ZNF888: variants seen among roughly 807,000 people sequenced by gnomAD.
ZNF888 encodes zinc finger protein 888.
In ZNF888, 5 loss-of-function variants were observed where a neutral mutation model predicts 7.2. That is an observed-to-expected ratio of 0.70 (90% CI 0.36 to 1.46). ZNF888 has a LOEUF of 1.46. Among genes scored for constraint, ZNF888 ranks in the 40% most tolerant of loss-of-function variants. ZNF888 has a pLI of 0.03. For synonymous variants in ZNF888, 240 were observed against 284.3 expected (o/e 0.84, Z 1.57); for missense variants, 716 against 858.0 (o/e 0.83, Z 2.07).
At chr19:52,923,300 C>CA (rs2064843281) in intron 1 of ZNF888, 69 bp downstream of exon 1, 1 of 985,432 alleles carries the variant, frequency 1.0e-6, no homozygotes, top group South Asian at 4.7e-5. Flanking sequence ...GTGGAGACCC[C>CA]ACATCCCAGG....
Position 52,907,221 on chromosome 19 carries a change from T to C in ZNF888, c.1101A>G (p.Ser367=). ...KECDKVFSRK[S]YLERHRRIHT... is the part of the protein sequence containing the mutation. ...GAATTCTCCTATGTCTTTCAAGGTA[T>C]GATTTGCGACTGAAAACTTTGTCAC... Residue 367 remains serine (S), a synonymous_variant, in exon 5 of 5, where the codon TCA becomes TCG. Transcript: ENST00000638862. 1 of 1,613,420 alleles carries C rather than the reference T, an allele frequency of 6.2e-7. No homozygotes were observed. The highest frequency in any genetic ancestry group is 8.5e-7 in the Non-Finnish European group (1 of 1,179,760).
At position 52,923,377 on chromosome 19, in the gene ZNF888, T is replaced by C. The variant is rs981004487; in HGVS notation, c.-186A>G. On this transcript the variant is annotated 5_prime_UTR_variant, in exon 1 of 5. Transcript: ENST00000638862. Reference sequence around the variant, plus strand: ...CACAGAGCAAAACTCACCGCCGCAGTGTGACTTCCAGTCCACGCGATCCGC... The same window carrying C: ...CACAGAGCAAAACTCACCGCCGCAGCGTGACTTCCAGTCCACGCGATCCGC... The C allele has an allele frequency of 1.4e-5, 14 of 985,696 alleles. No homozygotes were observed. Among genetic ancestry groups the C allele is most frequent in the Non-Finnish European group, 1.7e-5 (14 of 830,030 alleles). The allele number at this position is 985,696 out of a possible 1,614,324, so 61.1% of individuals were successfully genotyped here. A position where few individuals can be genotyped will look rare whatever the true frequency, so the allele number is the denominator to read the frequency against.
chr19:52,912,493 A>T (rs2064697840), intron 4 of ZNF888, among the ~76,000 whole-genome samples: 1 of 144,950 alleles, frequency 6.9e-6, no homozygotes, highest in Non-Finnish European at 1.5e-5. Flanking sequence ...TGGGAGGCTG[A>T]GGTGGGAGGA....
At chr19:52,916,505 C>T (rs10414163) in intron 3 of ZNF888, among the ~76,000 whole-genome samples, 40,682 of 150,236 alleles carry the variant, frequency 0.27, 6,796 homozygotes, top group African/African-American at 0.44. Flanking sequence ...TGTGTATGTA[C>T]ATGTGTGTGT....
Position 52,922,349 on chromosome 19 carries a change from G to C in ZNF888, c.-178+1020C>G, listed in dbSNP as rs558421901. ...CTCTCTGGCACCCCAGATTTCCCAG[G>C]TGTCCTCCCTGCTGTGGTTCTCCCT... On this transcript the variant is annotated intron_variant, in intron 1 of 4. Coordinates refer to ENST00000638862, the MANE Select transcript of ZNF888 (RefSeq NM_001393938.1). 5.3e-4 allele frequency among the ~76,000 whole-genome samples: 81 copies of C among 151,852 alleles called. No homozygotes were observed. In the East Asian group the frequency reaches 8.4e-3, roughly 16 times the overall value.
chr19:52,910,692 T>C (rs1157370410), intron 4 of ZNF888, among the ~76,000 whole-genome samples: 1 of 152,050 alleles, frequency 6.6e-6, no homozygotes, highest in African/African-American at 2.4e-5. Flanking sequence ...GGCTAAACCA[T>C]GAAGAAGCCT....
chr19:52,905,444 T>TA lies in ZNF888; in HGVS notation c.*720dup, dbSNP rs35926269. ...CTCAGCTTGCCTGCACCCAGGTGAT[T>TA]AAAAAAAAAAAAAATCTGTATCTGT... On this transcript the variant is annotated 3_prime_UTR_variant, in exon 5 of 5. Coordinates refer to ENST00000638862, the MANE Select transcript of ZNF888 (RefSeq NM_001393938.1). 2,005 of 151,338 alleles carry TA rather than the reference T, an allele frequency of 0.013. 5 individuals carry two copies. Among genetic ancestry groups the TA allele is most frequent in the Middle Eastern group, 0.02 (6 of 294 alleles). The allele number at this position is 151,338 out of a possible 1,614,324, so 9.4% of individuals were successfully genotyped here.
At position 52,907,262 on chromosome 19, in the gene ZNF888, A is replaced by G. The variant is rs565551174; in HGVS notation, c.1060T>C (p.Tyr354His). Residue 354 changes from tyrosine (Y) to histidine (H), a missense_variant, in exon 5 of 5, where the codon TAC becomes CAC. By Grantham distance (83) the Tyr-to-His change is moderately conservative (BLOSUM62 2). Coordinates refer to ENST00000638862, the MANE Select transcript of ZNF888 (RefSeq NM_001393938.1). ...HHRVHTGEKPYQCKECDKVFS... is the reference protein window; with the variant it reads ...HHRVHTGEKPHQCKECDKVFS... ...ACTTTGTCACATTCTTTACATTGGTAAGGTTTCTCTCCAGTATGAACTCTA... is the reference window on the plus strand; with the variant it reads ...ACTTTGTCACATTCTTTACATTGGTGAGGTTTCTCTCCAGTATGAACTCTA... 43 of 1,612,874 alleles carry G rather than the reference A, an allele frequency of 2.7e-5. No individual in the cohort carries two copies. In the African/African-American group the frequency reaches 4.4e-4, roughly 17 times the overall value.
chr19:52,906,433 C>T lies in ZNF888; in HGVS notation c.1889G>A (p.Gly630Glu). Residue 630 changes from glycine (G) to glutamate (E), a missense_variant, in exon 5 of 5, where the codon GGA becomes GAA. Transcript: ENST00000638862. ...HLEIHRRVHT[G>E]EKPYKCRVCD... is the part of the protein sequence containing the mutation. ...AACCCTACATTTGTATGGTTTCTCTCCAGTATGAACTCTCCTATGTATTTC... is the reference window on the plus strand; with the variant it reads ...AACCCTACATTTGTATGGTTTCTCTTCAGTATGAACTCTCCTATGTATTTC... 6.2e-7 allele frequency: 1 copy of T among 1,613,094 alleles called. No homozygotes were observed. The highest frequency in any genetic ancestry group is 2.2e-5 in the East Asian group (1 of 44,830).
chr19:52,912,313 C>T (rs1476907738), intron 4 of ZNF888, among the ~76,000 whole-genome samples: 1 of 149,904 alleles, frequency 6.7e-6, no homozygotes, highest in Non-Finnish European at 1.5e-5. Context: ...TGGGGTTTCA[C>T]CATGTTAGCC....
Position 52,920,083 on chromosome 19 carries a change from G to A in ZNF888, c.-177-1146C>T, listed in dbSNP as rs1266284366. On this transcript the variant is annotated intron_variant, in intron 1 of 4. Transcript: ENST00000638862. ...AGGGAGGTTGGGGGGTCAGCCCCCC[G>A]CCCGGCCAGCCGCCCTATCCAGGAG... Among the ~76,000 whole-genome samples, 2 of 50,064 alleles carry A rather than the reference G, an allele frequency of 4.0e-5. 1 individual carries two copies. The highest frequency in any genetic ancestry group is 7.3e-4 in the East Asian group (2 of 2,744). The allele number at this position is 50,064 out of a possible 152,430, so 32.8% of individuals were successfully genotyped here. A position where few individuals can be genotyped will look rare whatever the true frequency, so the allele number is the denominator to read the frequency against.
intron 4 of ZNF888, 100 bp from the exon 5 acceptor site, chr19:52,908,279 A>G: frequency 8.5e-7 from 1 of 1,170,712 alleles, no homozygotes; most frequent in Non-Finnish European, 1.2e-6. Flanking sequence ...TATTTTAAAC[A>G]TCTCAAACAT....
Position 52,908,162 on chromosome 19 carries a change from T to C in ZNF888, c.160A>G (p.Met54Val). Residue 54 changes from methionine to valine, a missense_variant, in exon 5 of 5, where the codon ATG becomes GTG. Around this residue, in one of 2 missense-constraint regions of ZNF888, gnomAD observed 697 missense variants for 803.4 expected, o/e 0.87. Coordinates refer to ENST00000638862, the MANE Select transcript of ZNF888 (RefSeq NM_001393938.1). ...LVSLDISSKC[M>V]MEFSSIGKGN... is the part of the protein sequence containing the mutation. ...TTCCCTATTGATGAGAACTCCATCA[T>C]GCATTTGGAAGAGATATCTACAAAA... The C allele has an allele frequency of 6.2e-7, 1 of 1,614,042 alleles. No homozygotes were observed. Among genetic ancestry groups the C allele is most frequent in the Non-Finnish European group, 8.5e-7 (1 of 1,179,942 alleles).
Position 52,907,104 on chromosome 19 carries a change from T to G in ZNF888, c.1218A>C (p.Arg406Ser), listed in dbSNP as rs779714929. Residue 406 changes from arginine to serine, a missense_variant, in exon 5 of 5, where the codon AGA becomes AGC. Physicochemically the swap from Arg to Ser is moderately radical, Grantham distance 110. Coordinates refer to ENST00000638862, the MANE Select transcript of ZNF888 (RefSeq NM_001393938.1). ...ACTCATTACACTTGTAAGGTTTCTC[T>G]CTAGTGTGAATTACAATATGCTGTG... is the stretch of plus-strand genomic sequence containing the variant. ...HLAQHIVIHTREKPYKCNECG... is the reference protein window; with the variant it reads ...HLAQHIVIHTSEKPYKCNECG... 1.3e-4 allele frequency: 215 copies of G among 1,612,346 alleles called. No homozygotes were observed. Among genetic ancestry groups the G allele is most frequent in the Non-Finnish European group, 1.8e-4 (207 of 1,179,594 alleles).
Position 52,906,435 on chromosome 19 carries a change from A to C in ZNF888, c.1887T>G (p.Thr629=). 2.5e-6 allele frequency: 4 copies of C among 1,613,214 alleles called. No homozygotes were observed. The highest frequency in any genetic ancestry group is 1.1e-5 in the South Asian group (1 of 91,000). ...CCCTACATTTGTATGGTTTCTCTCCAGTATGAACTCTCCTATGTATTTCAA... is the reference window on the plus strand; with the variant it reads ...CCCTACATTTGTATGGTTTCTCTCCCGTATGAACTCTCCTATGTATTTCAA... The part of the protein sequence containing the change: ...SHLEIHRRVH[T]GEKPYKCRVC... The change falls in exon 5 of 5, where the codon ACT becomes ACG. Residue 629 remains threonine, a synonymous_variant. Coordinates refer to ENST00000638862, the MANE Select transcript of ZNF888 (RefSeq NM_001393938.1).
chr19:52,921,746 G>T, intron 1 of ZNF888: 2 of 580,640 alleles, frequency 3.4e-6, no homozygotes, highest in Non-Finnish European at 4.3e-6. Context: ...TGACCTACAT[G>T]GAGGAACCCC....
Position 52,907,926 on chromosome 19 carries a change from G to A in ZNF888, c.396C>T (p.Asn132=). The change falls in exon 5 of 5, where the codon AAC becomes AAT. Residue 132 remains asparagine (N), a synonymous_variant. Coordinates refer to ENST00000638862, the MANE Select transcript of ZNF888 (RefSeq NM_001393938.1). ...ATCCAAGCTGATATTTAATAGGCTT[G>A]TTTCCAGCATGCCTTTGATCATATT... ...TDQYDQRHAG[N]KPIKYQLGSS... is the part of the protein sequence containing the mutation. The A allele has an allele frequency of 1.2e-6, 2 of 1,614,136 alleles. No individual in the cohort carries two copies. The highest frequency in any genetic ancestry group is 1.7e-6 in the Non-Finnish European group (2 of 1,180,026).
rs1227997533 is a variant in ZNF888 at position 52,904,702 on chromosome 19, CT to C, written c.*1462del. 1 of 152,190 alleles carries C rather than the reference CT, an allele frequency of 6.6e-6. No homozygotes were observed. Among genetic ancestry groups the C allele is most frequent in the Non-Finnish European group, 1.5e-5 (1 of 68,024 alleles). The allele number at this position is 152,190 out of a possible 1,614,324, so 9.4% of individuals were successfully genotyped here. On this transcript the variant is annotated 3_prime_UTR_variant, in exon 5 of 5. Coordinates refer to ENST00000638862, the MANE Select transcript of ZNF888 (RefSeq NM_001393938.1). ...TTCTAAGTTATGAGTTGATTTTTAA[CT>C]ACTGGGTTTAGGCCAGGCAGGCCCA... is the stretch of plus-strand genomic sequence containing the variant.
intron 4 of ZNF888, among the ~76,000 whole-genome samples, chr19:52,909,639 ATATAT>A (rs2064653701): frequency 6.6e-6 from 1 of 152,156 alleles, no homozygotes; most frequent in Non-Finnish European, 1.5e-5. Context: ...AATTAATAAA[ATATAT>A]TATTAATTCA....
Sources: allele counts gnomAD v4.1 joint callset (sites outside exome capture counted in the v4.1 genomes callset), GRCh38; gene constraint gnomAD v4.1.1; regional missense constraint gnomAD v4.1.1; transcripts MANE v1.5; gene names NCBI Gene and HGNC (gene_info 2026-07-23, HGNC 2026-07-21).